Variants in MGAT5 observed in about 807,000 individuals in gnomAD.
MGAT5 encodes the protein alpha-1,6-mannosylglycoprotein 6-beta-N-acetylglucosaminyltransferase A.
In MGAT5, 30 loss-of-function variants were observed where a neutral mutation model predicts 94.3. The observed-to-expected ratio is 0.32, with a 90% CI of 0.24 to 0.43. The LOEUF (loss-of-function observed/expected upper bound fraction) is 0.43, where lower values mean the gene tolerates loss of function less well. MGAT5 is among the 20% of genes least tolerant of loss of function. MGAT5 has a pLI of 1.00. For synonymous variants in MGAT5, 310 were observed against 322.9 expected (o/e 0.96, Z 0.43); for missense variants, 691 against 905.5 (o/e 0.76, Z 3.04).
rs989841640 is a variant in MGAT5, at chr2:134,128,492, G to T, written c.-143+8201G>T. Among the ~76,000 whole-genome samples, 3 of 152,080 alleles carry T rather than the reference G, an allele frequency of 2.0e-5. No homozygotes were observed. In the East Asian group the frequency reaches 5.8e-4, roughly 29 times the overall value. On this transcript the variant is annotated intron_variant, in intron 1 of 16. Transcript: ENST00000409645. ...AAAGTGTTTTTCATGATAATGAGTT[G>T]CTTATTCTATGATAGTGCCTTTTCT... is the stretch of plus-strand genomic sequence containing the variant.
At chr2:134,262,050 A>G (rs1022274896) in intron 1 of MGAT5, among the ~76,000 whole-genome samples, 2 of 152,222 alleles carry the variant, frequency 1.3e-5, no homozygotes, top group African/African-American at 4.8e-5. Context: ...TGTGTTCCTT[A>G]CTGATGTGTG....
At chr2:134,189,201 C>T (rs1266192590) in intron 1 of MGAT5, among the ~76,000 whole-genome samples, 4 of 152,194 alleles carry the variant, frequency 2.6e-5, no homozygotes, top group Non-Finnish European at 4.4e-5. Flanking sequence ...CTCCTTTCCC[C>T]TCTCTGGATT....
At chr2:134,291,205 A>C (rs1482902118) in intron 2 of MGAT5, among the ~76,000 whole-genome samples, 1 of 152,148 alleles carries the variant, frequency 6.6e-6, no homozygotes, top group Admixed American at 6.5e-5. Flanking sequence ...CTAACCCCCA[A>C]GGCGATGGTG....
At chr2:134,401,173 C>G (rs1366266399) in intron 10 of MGAT5, among the ~76,000 whole-genome samples, 1 of 152,102 alleles carries the variant, frequency 6.6e-6, no homozygotes, top group Non-Finnish European at 1.5e-5. Flanking sequence ...TTATGACCGA[C>G]TGTCTGCGTC....
At position 134,441,816 on chromosome 2, in the gene MGAT5, C is replaced by T. The variant is rs1685502252; in HGVS notation, c.1928C>T (p.Ala643Val). 1.2e-6 allele frequency: 2 copies of T among 1,614,018 alleles called. No individual in the cohort carries two copies. Among genetic ancestry groups the T allele is most frequent in the African/African-American group, 1.3e-5 (1 of 74,906 alleles). The change falls in exon 15 of 16, where the codon GCT becomes GTT. Residue 643 changes from alanine to valine, a missense_variant. Ala to Val is a moderately conservative substitution (Grantham distance 64, BLOSUM62 0). Transcript: ENST00000281923. ...CTCAGCGCCCTACAGGTCAAGCTTG[C>T]TGAGCCCGGGCAGTCCTGCAAGCAG... The part of the protein sequence containing the change: ...PPLSALQVKL[A>V]EPGQSCKQVC...
chr2:134,280,971 G>A (rs538716321), intron 2 of MGAT5, among the ~76,000 whole-genome samples: 1 of 152,198 alleles, frequency 6.6e-6, no homozygotes, highest in South Asian at 2.1e-4. Flanking sequence ...ACAGAAAACC[G>A]GACCTTGTGA....
intron 8 of MGAT5, among the ~76,000 whole-genome samples, chr2:134,347,278 G>A (rs1456861787): frequency 1.3e-5 from 2 of 152,108 alleles, no homozygotes; most frequent in Non-Finnish European, 2.9e-5. Flanking sequence ...CCAAGCCAAA[G>A]CCTCAAGTAA....
chr2:134,243,593 A>G (rs1682081478), intron 1 of MGAT5, among the ~76,000 whole-genome samples: 1 of 152,182 alleles, frequency 6.6e-6, no homozygotes, highest in South Asian at 2.1e-4. Flanking sequence ...GGGCTGTGCG[A>G]TTGAGTGGCT....
intron 1 of MGAT5, among the ~76,000 whole-genome samples, chr2:134,202,063 C>T (rs1301146533): frequency 6.6e-6 from 1 of 151,452 alleles, no homozygotes; most frequent in Non-Finnish European, 1.5e-5. Flanking sequence ...ACCCCAAGAA[C>T]TTGGACTTAT....
At chr2:134,201,547 C>T (rs1460093605) in intron 1 of MGAT5, among the ~76,000 whole-genome samples, 1 of 152,142 alleles carries the variant, frequency 6.6e-6, no homozygotes, top group Non-Finnish European at 1.5e-5. Context: ...GCATCTTCCA[C>T]AGCACCGGGT....
chr2:134,349,548 A>G (rs955706759), intron 8 of MGAT5, among the ~76,000 whole-genome samples: 3 of 152,146 alleles, frequency 2.0e-5, no homozygotes, highest in Non-Finnish European at 4.4e-5. Flanking sequence ...TTTTGCTGGT[A>G]GTTGAATGAT....
At chr2:134,193,135 T>A (rs1362119384) in intron 1 of MGAT5, among the ~76,000 whole-genome samples, 3 of 151,492 alleles carry the variant, frequency 2.0e-5, no homozygotes, top group African/African-American at 7.3e-5. Context: ...ATTTTTTTTT[T>A]TTTTTGAGAC....
chr2:134,448,931 T>C lies in MGAT5; in HGVS notation c.*84T>C, dbSNP rs550920528. The C allele has an allele frequency of 1.2e-5, 17 of 1,399,358 alleles. No individual in the cohort carries two copies. In the South Asian group the frequency reaches 1.2e-4, roughly 10 times the overall value. The allele number at this position is 1,399,358 out of a possible 1,614,324, so 86.7% of individuals were successfully genotyped here. ...CAGGCAGGGCCAGGGACAGAAGTCA[T>C]GCAGGGACTCTGGCAAGAGCCTGAA... On this transcript the variant is annotated 3_prime_UTR_variant, in exon 16 of 16. Transcript: ENST00000281923.
chr2:134,273,716 C>T (rs1205567278), intron 2 of MGAT5, among the ~76,000 whole-genome samples: 2 of 151,876 alleles, frequency 1.3e-5, no homozygotes, highest in Admixed American at 1.3e-4. Flanking sequence ...CTTATCTTCA[C>T]AAATTTATCA....
At chr2:134,423,103 CAG>C (rs1684387971) in intron 13 of MGAT5, among the ~76,000 whole-genome samples, 184 bp downstream of exon 13, 1 of 152,116 alleles carries the variant, frequency 6.6e-6, no homozygotes, top group South Asian at 2.1e-4. Flanking sequence ...GAAATGGAAA[CAG>C]AGCTGGTATC....
chr2:134,235,036 T>C (rs918984566), intron 1 of MGAT5, among the ~76,000 whole-genome samples: 2 of 152,082 alleles, frequency 1.3e-5, no homozygotes, highest in African/African-American at 4.8e-5. Context: ...AATACACAGA[T>C]TTGACCAAAA....
intron 1 of MGAT5, 80 bp from the exon 2 acceptor site, chr2:134,270,306 C>T: frequency 7.4e-7 from 1 of 1,359,394 alleles, no homozygotes; most frequent in Non-Finnish European, 1.0e-6. Flanking sequence ...AAGTTTTGTT[C>T]TCCACGATAA....
intron 10 of MGAT5, among the ~76,000 whole-genome samples, chr2:134,370,777 C>T (rs1481533105): frequency 1.3e-5 from 2 of 152,230 alleles, no homozygotes; most frequent in Non-Finnish European, 2.9e-5. Context: ...AAATAAAATG[C>T]AAAGGGAAAC....
Position 134,179,140 on chromosome 2 carries a change from T to G in MGAT5, c.-143+58849T>G, listed in dbSNP as rs1186289868. On this transcript the variant is annotated intron_variant, in intron 1 of 16. Transcript: ENST00000409645. ...CTTATATTGCAAATAAGTGTTCTTC[T>G]TCTACCTGGTTAGTACCGTGTTTAT... Among the ~76,000 whole-genome samples the G allele has an allele frequency of 1.3e-5, 2 of 152,202 alleles. 1 individual carries two copies. The highest frequency in any genetic ancestry group is 2.9e-5 in the Non-Finnish European group (2 of 68,044).
Sources: gnomAD v4.1 joint callset for allele counts (sites outside exome capture counted in the v4.1 genomes callset) on GRCh38, gnomAD v4.1.1 for gene constraint, MANE v1.5 for transcripts, NCBI Gene and HGNC (gene_info 2026-07-23, HGNC 2026-07-21) for gene names.